Variants in EPHX2 observed in about 807,000 individuals in gnomAD.
EPHX2 encodes the protein bifunctional epoxide hydrolase 2.
EPHX2 carries 74 observed loss-of-function variants against 78.7 expected under a neutral mutation model. The ratio of observed to expected loss-of-function variants is 0.94; its 90% CI spans 0.78 to 1.14. EPHX2 has a LOEUF of 1.14. EPHX2 is among the 50% of genes most tolerant of loss of function. The pLI is 0.00. For missense variants in EPHX2, 715 were observed against 702.5 expected, an observed-to-expected ratio of 1.02 and a Z score of -0.20; for synonymous variants, 251 against 255.2, an observed-to-expected ratio of 0.98 and a Z score of 0.16.
In EPHX2 at chr8:27,536,875, G is replaced by A; in HGVS notation, c.1242+20G>A. On this transcript the variant is annotated intron_variant, in intron 13 of 18. Coordinates refer to ENST00000521400, the MANE Select transcript of EPHX2 (RefSeq NM_001979.6). ...GATGAGGTGAGGGGTGGGGATGGGTGCAGAAGAACAGGAGGGGGCAGTTGT... is the reference window on the plus strand; with the variant it reads ...GATGAGGTGAGGGGTGGGGATGGGTACAGAAGAACAGGAGGGGGCAGTTGT... 6.2e-7 allele frequency: 1 copy of A among 1,613,582 alleles called. No individual in the cohort carries two copies. Among genetic ancestry groups the A allele is most frequent in the Non-Finnish European group, 8.5e-7 (1 of 1,179,806 alleles).
chr8:27,538,728 C>G (rs753803223), intron 14 of EPHX2, 36 bp downstream of exon 14: 1 of 1,605,710 alleles, frequency 6.2e-7, no homozygotes, highest in Non-Finnish European at 8.5e-7. Context: ...TATCTGGAAC[C>G]AGCTGAATGT....
chr8:27,519,358 C>G (rs1044220181), intron 9 of EPHX2, among the ~76,000 whole-genome samples: 1 of 152,170 alleles, frequency 6.6e-6, no homozygotes, highest in Non-Finnish European at 1.5e-5. Context: ...CAAAAGAAGC[C>G]AGTTTCTGTG....
At chr8:27,499,582 G>A (rs1188438770) in intron 1 of EPHX2, among the ~76,000 whole-genome samples, 1 of 152,138 alleles carries the variant, frequency 6.6e-6, no homozygotes, top group Non-Finnish European at 1.5e-5. Flanking sequence ...CACTTCAACT[G>A]GAATTCATCT....
chr8:27,491,330 C>T (rs1813369986), intron 1 of EPHX2, 21 bp downstream of exon 1: 4 of 1,459,164 alleles, frequency 2.7e-6, no homozygotes, highest in Middle Eastern at 2.1e-4. Flanking sequence ...CCAGCGCCGC[C>T]GCCGCAGTGG....
intron 6 of EPHX2, among the ~76,000 whole-genome samples, chr8:27,513,907 T>G (rs1470873179): frequency 1.3e-5 from 2 of 152,228 alleles, no homozygotes; most frequent in Non-Finnish European, 2.9e-5. Flanking sequence ...TTTTGCCAAG[T>G]GCTGAAGGAA....
chr8:27,546,864 G>T (rs1815584768), downstream of EPHX2, among the ~76,000 whole-genome samples: 1 of 152,214 alleles, frequency 6.6e-6, no homozygotes, highest in Non-Finnish European at 1.5e-5. Flanking sequence ...ATAAAGAAAA[G>T]AGGTTTAATT....
At chr8:27,498,974 T>G (rs2565051) in intron 1 of EPHX2, among the ~76,000 whole-genome samples, 151,692 of 152,326 alleles carry the variant, frequency 1, 75,530 homozygotes, top group East Asian at 1. Context: ...TGGAGGCTGA[T>G]AATTCCAAGG....
chr8:27,514,162 G>T (rs959369054), intron 6 of EPHX2, among the ~76,000 whole-genome samples: 1 of 152,034 alleles, frequency 6.6e-6, no homozygotes, highest in Admixed American at 6.6e-5. Context: ...TCTAAAATTA[G>T]CTGGGGTGGT....
At chr8:27,496,161 T>C (rs528529339) in intron 1 of EPHX2, among the ~76,000 whole-genome samples, 51 of 152,208 alleles carry the variant, frequency 3.4e-4, no homozygotes, top group Non-Finnish European at 2.8e-4. Context: ...ATTTGACTTG[T>C]AGGCAGAGCT....
chr8:27,543,774 C>T lies in EPHX2; in HGVS notation c.1475C>T (p.Thr492Met), dbSNP rs760046685. The T allele has an allele frequency of 3.1e-6, 5 of 1,613,936 alleles. No homozygotes were observed. Among genetic ancestry groups the T allele is most frequent in the Non-Finnish European group, 2.5e-6 (3 of 1,180,022 alleles). Residue 492 changes from threonine to methionine, a missense_variant, in exon 17 of 19, where the codon ACG becomes ATG. Transcript: ENST00000521400. ...ATCCTGATTCCGGCCCTGATGGTCA[C>T]GGCGGAGAAGGACTTCGTGCTCGTT... ...RKILIPALMVTAEKDFVLVPQ... is the reference protein window; with the variant it reads ...RKILIPALMVMAEKDFVLVPQ...
At chr8:27,494,061 CTGTT>C (rs1813483647) in intron 1 of EPHX2, among the ~76,000 whole-genome samples, 2 of 152,072 alleles carry the variant, frequency 1.3e-5, no homozygotes, top group African/African-American at 4.8e-5. Flanking sequence ...AAAACCCAGA[CTGTT>C]TGTTAAACAG....
chr8:27,530,276 AG>A (rs1214273388), intron 12 of EPHX2, among the ~76,000 whole-genome samples: 1 of 152,090 alleles, frequency 6.6e-6, no homozygotes, highest in Non-Finnish European at 1.5e-5. Context: ...TTTATTTTTT[AG>A]GTTTTGTTTT....
rs1563340502 is a variant in EPHX2, at chr8:27,501,395, T to TC, written c.186+385_186+386insC. Among the ~76,000 whole-genome samples the TC allele has an allele frequency of 1.0e-3, 82 of 79,212 alleles. 1 individual carries two copies. Among genetic ancestry groups the TC allele is most frequent in the African/African-American group, 2.2e-3 (60 of 26,708 alleles). The allele number at this position is 79,212 out of a possible 152,430, so 52.0% of individuals were successfully genotyped here. On this transcript the variant is annotated intron_variant, in intron 2 of 18. Coordinates refer to ENST00000521400, the MANE Select transcript of EPHX2 (RefSeq NM_001979.6). ...TTCTTCTTCTTCTTCTTCTTCTTCT[T>TC]TCTTCTTTCTTCTTTCTTCTTTTTC...
intron 14 of EPHX2, chr8:27,539,370 T>G (rs1253733757): frequency 6.6e-6 from 1 of 152,206 alleles, no homozygotes; most frequent in Non-Finnish European, 1.5e-5. Flanking sequence ...ATAAAATATT[T>G]GTGATCCTCG....
intron 6 of EPHX2, chr8:27,512,190 C>T: frequency 2.6e-6 from 1 of 385,090 alleles, no homozygotes; most frequent in South Asian, 2.8e-5. Context: ...ATGTTATTTC[C>T]CACAAATCTC....
At chr8:27,525,144 T>G (rs1814797359) in intron 11 of EPHX2, among the ~76,000 whole-genome samples, 1 of 149,622 alleles carries the variant, frequency 6.7e-6, no homozygotes, top group African/African-American at 2.5e-5. Flanking sequence ...CTAAGGCAAG[T>G]TGGTGAGAAA....
chr8:27,516,396 C>T lies in EPHX2; in HGVS notation c.908C>T (p.Pro303Leu), dbSNP rs1563349891. ...GGCTATGGAGAGTCATCTGCTCCTC[C>T]CGGTGGGTGTGCTGTCTTGCAGCTG... The part of the protein sequence containing the change: ...MKGYGESSAP[P>L]EIEEYCMEVL... The change falls in exon 8 of 19, where the codon CCC (proline) becomes CTC (leucine). Residue 303 changes from proline to leucine, a missense_variant and splice_region_variant. Pro to Leu is a moderately conservative substitution (Grantham distance 98, BLOSUM62 -3). Transcript: ENST00000521400. 3.1e-6 allele frequency: 5 copies of T among 1,613,908 alleles called. No individual in the cohort carries two copies. Among genetic ancestry groups the T allele is most frequent in the Non-Finnish European group, 3.4e-6 (4 of 1,179,834 alleles).
intron 16 of EPHX2, among the ~76,000 whole-genome samples, chr8:27,543,533 TCA>T (rs1427621581): frequency 6.6e-6 from 1 of 152,144 alleles, no homozygotes; most frequent in Non-Finnish European, 1.5e-5. Context: ...ACGTTCTCAC[TCA>T]CACACATCTG....
intron 6 of EPHX2, among the ~76,000 whole-genome samples, chr8:27,514,784 G>C (rs1214853697): frequency 1.3e-5 from 2 of 152,068 alleles, no homozygotes; most frequent in Non-Finnish European, 2.9e-5. Flanking sequence ...ACTGGCCGGA[G>C]CTCACTTGTG....
Sources: gnomAD v4.1 joint callset for allele counts (sites outside exome capture counted in the v4.1 genomes callset) on GRCh38, gnomAD v4.1.1 for gene constraint, MANE v1.5 for transcripts, NCBI Gene and HGNC (gene_info 2026-07-23, HGNC 2026-07-21) for gene names.